The following DDX52 variants were observed in gnomAD, a reference collection of about 807,000 sequenced individuals.
DDX52 encodes DExD-box helicase 52.
A neutral mutation model predicts 76.1 loss-of-function variants in DDX52; 59 were observed. That is an observed-to-expected ratio of 0.78 (90% CI 0.63 to 0.96). The LOEUF is 0.96. DDX52 is among the 40% of genes least tolerant of loss of function. The probability of loss-of-function intolerance (pLI) is 0.00; values close to 1 mark genes in which losing one functional copy is unlikely to be tolerated. For missense variants in DDX52, 707 were observed against 703.9 expected, an observed-to-expected ratio of 1.00 and a Z score of -0.05; for synonymous variants, 231 against 244.1, an observed-to-expected ratio of 0.95 and a Z score of 0.50.
Position 37,620,898 on chromosome 17 carries a change from C to T in DDX52, c.1552G>A (p.Glu518Lys). 1 of 1,594,492 alleles carries T rather than the reference C, an allele frequency of 6.3e-7. No individual in the cohort carries two copies. Among genetic ancestry groups the T allele is most frequent in the Non-Finnish European group, 8.5e-7 (1 of 1,175,234 alleles). ...NKGKAITFFT[E>K]DDKPLLRSVA... ...CTTCTTAATAATGGCTTATCATCCT[C>T]AGTGAAAAATGTAATTGCTTTTCCC... Residue 518 changes from glutamate to lysine, a missense_variant, in exon 12 of 15, where the codon GAG becomes AAG. Transcript: ENST00000617633.
At chr17:37,641,970 A>G in intron 2 of DDX52, 140 bp downstream of exon 2, 1 of 992,026 alleles carries the variant, frequency 1.0e-6, no homozygotes, top group Non-Finnish European at 1.5e-6. Flanking sequence ...CAATATTTCT[A>G]ATGACAAATA....
At chr17:37,628,460 T>C (rs992623012) in intron 6 of DDX52, 101 bp downstream of exon 6, 4 of 983,788 alleles carry the variant, frequency 4.1e-6, no homozygotes, top group South Asian at 1.5e-5. Context: ...ATTTTATACA[T>C]ACATGACTAT....
Position 37,609,796 on chromosome 17 carries a change from A to C in DDX52, c.*4500T>G. 1 of 157,222 alleles carries C rather than the reference A, an allele frequency of 6.4e-6. No individual in the cohort carries two copies. Among genetic ancestry groups the C allele is most frequent in the Non-Finnish European group, 1.4e-5 (1 of 71,340 alleles). The allele number at this position is 157,222 out of a possible 1,614,324, so 9.7% of individuals were successfully genotyped here. On this transcript the variant is annotated 3_prime_UTR_variant, in exon 15 of 15. Transcript: ENST00000617633. Reference sequence around the variant, plus strand: ...CTTTTATTGTTACTCTTTACACACAAAGAACAGATAGGTCCTGAAGGGCCC... The same window carrying C: ...CTTTTATTGTTACTCTTTACACACACAGAACAGATAGGTCCTGAAGGGCCC...
chr17:37,622,419 G>A (rs1439702032), intron 9 of DDX52, among the ~76,000 whole-genome samples: 1 of 151,662 alleles, frequency 6.6e-6, no homozygotes, highest in African/African-American at 2.4e-5. Context: ...TCAGCCTCCT[G>A]AGTAGCTGGG....
intron 2 of DDX52, among the ~76,000 whole-genome samples, chr17:37,637,136 T>A (rs1039375287): frequency 6.6e-6 from 1 of 152,136 alleles, no homozygotes; most frequent in African/African-American, 2.4e-5. Context: ...AGCTAATTTT[T>A]TTTTTTCTTT....
At chr17:37,623,879 C>A (rs919400771) in intron 9 of DDX52, among the ~76,000 whole-genome samples, 11 of 152,118 alleles carry the variant, frequency 7.2e-5, no homozygotes, top group African/African-American at 9.7e-5. Flanking sequence ...AGTGCTGACA[C>A]CTCAGTACTT....
chr17:37,626,037 T>C lies in DDX52; in HGVS notation c.994A>G (p.Arg332Gly), dbSNP rs546721148. Residue 332 changes from arginine to glycine, a missense_variant, in exon 8 of 15, where the codon AGA becomes GGA. Physicochemically the swap from Arg to Gly is moderately radical, Grantham distance 125. Transcript: ENST00000617633. ...AGGAAAATGGAAGCCAGCTGGTCTC[T>C]GAACCCAGTTTTGCCATCTTCAAAC... ...KLFEDGKTGFRDQLASIFLAC... is the reference protein window; with the variant it reads ...KLFEDGKTGFGDQLASIFLAC... 3.8e-5 allele frequency: 61 copies of C among 1,614,084 alleles called. No homozygotes were observed. Among genetic ancestry groups the C allele is most frequent in the Admixed American group, 2.8e-4 (17 of 60,010 alleles).
intron 2 of DDX52, among the ~76,000 whole-genome samples, chr17:37,635,014 T>G (rs1306493341): frequency 6.6e-6 from 1 of 151,972 alleles, no homozygotes; most frequent in Non-Finnish European, 1.5e-5. Flanking sequence ...TTGGCCAGGC[T>G]GGTCTCAAAC....
At chr17:37,619,649 C>G in intron 13 of DDX52, 119 bp downstream of exon 13, 2 of 849,666 alleles carry the variant, frequency 2.4e-6, no homozygotes, top group Non-Finnish European at 3.6e-6. Flanking sequence ...GAGATCAAGA[C>G]TACAGTGAGC....
At chr17:37,630,572 A>G (rs2030628775) in intron 4 of DDX52, among the ~76,000 whole-genome samples, 2 of 152,186 alleles carry the variant, frequency 1.3e-5, no homozygotes, top group Non-Finnish European at 1.5e-5. Context: ...ATGGCTGAAG[A>G]AATAAAAAAT....
intron 10 of DDX52, 30 bp downstream of exon 10, chr17:37,621,368 C>T (rs1383809195): frequency 1.2e-6 from 2 of 1,600,118 alleles, no homozygotes; most frequent in Non-Finnish European, 1.7e-6. Context: ...AGTAGTTCTT[C>T]TGAGTTTCAA....
At chr17:37,639,674 G>C (rs1359338018) in intron 2 of DDX52, 1 of 152,156 alleles carries the variant, frequency 6.6e-6, no homozygotes, top group African/African-American at 2.4e-5. Context: ...CCAGGAGGCA[G>C]AGCTTGCAGT....
intron 13 of DDX52, among the ~76,000 whole-genome samples, chr17:37,619,367 T>TA (rs1230708978): frequency 2.0e-5 from 3 of 151,976 alleles, no homozygotes; most frequent in Admixed American, 1.3e-4. Flanking sequence ...AAATAAAGGA[T>TA]AAAAAACTGG....
intron 13 of DDX52, 45 bp downstream of exon 13, chr17:37,619,723 T>C: frequency 6.6e-7 from 1 of 1,520,960 alleles, no homozygotes; most frequent in Non-Finnish European, 9.0e-7. Flanking sequence ...AAAGAATGTA[T>C]ATACAAAGAG....
intron 2 of DDX52, among the ~76,000 whole-genome samples, chr17:37,640,832 C>G (rs7225440): frequency 0.012 from 1,823 of 151,320 alleles, 26 homozygotes; most frequent in Middle Eastern, 0.038. Context: ...CTAAAAAATA[C>G]AAAAATTAGC....
chr17:37,630,735 G>A (rs531104752), intron 4 of DDX52: 31 of 149,936 alleles, frequency 2.1e-4, no homozygotes, highest in Non-Finnish European at 3.2e-4. Context: ...TCCGCCTCCC[G>A]GGTTCAAGTG....
chr17:37,638,178 G>T (rs540618401), intron 2 of DDX52, among the ~76,000 whole-genome samples: 1 of 152,178 alleles, frequency 6.6e-6, no homozygotes, highest in Non-Finnish European at 1.5e-5. Context: ...AGGTTTTTTG[G>T]ATGCTCAAGG....
chr17:37,618,481 A>AT (rs377365663), intron 13 of DDX52, 97 bp from the exon 14 acceptor site: 49,905 of 820,816 alleles, frequency 0.061, 63 homozygotes, highest in South Asian at 0.07. Context: ...CACAAAATTC[A>AT]TTTTTTTTTT....
In DDX52 at chr17:37,638,770, CTT is replaced by C. The variant is rs920881727; in HGVS notation, c.286+3338_286+3339del. On this transcript the variant is annotated intron_variant, in intron 2 of 14. Coordinates refer to ENST00000617633, the MANE Select transcript of DDX52 (RefSeq NM_007010.5). ...AGAAAACATGGAAGTTGTTTTTTTT[CTT>C]TTTTTTTTTTTTTTTGAGACAGAGT... Among the ~76,000 whole-genome samples, 243 of 114,790 alleles carry C rather than the reference CTT, an allele frequency of 2.1e-3. 2 individuals are homozygous for C. Among genetic ancestry groups the C allele is most frequent in the African/African-American group, 6.8e-3 (186 of 27,282 alleles). 75.3% of individuals were successfully genotyped at this position (114,790 alleles called of 152,430 possible).
Sources: gnomAD v4.1 joint callset for allele counts (sites outside exome capture counted in the v4.1 genomes callset) on GRCh38, gnomAD v4.1.1 for gene constraint, MANE v1.5 for transcripts, NCBI Gene and HGNC (gene_info 2026-07-23, HGNC 2026-07-21) for gene names.